The following CUBN variants were observed in gnomAD, a reference collection of about 807,000 sequenced individuals.
CUBN encodes the protein 460 kDa receptor.
In CUBN, 282 loss-of-function variants were observed where a neutral mutation model predicts 405.3. The observed-to-expected ratio is 0.70, with a 90% CI of 0.63 to 0.77. CUBN has a LOEUF of 0.77. Ranked by LOEUF, CUBN falls within the 30% of genes least tolerant of loss-of-function variation. The pLI, the probability that CUBN is intolerant of heterozygous loss-of-function variation, is 0.00. For synonymous variants in CUBN, 1,684 were observed against 1,617.0 expected (o/e 1.04, Z -0.99); for missense variants, 4,514 against 4,475.2 (o/e 1.01, Z -0.25).
chr10:17,071,519 C>T lies in CUBN; in HGVS notation c.2532G>A (p.Trp844Ter). Residue 844 changes from tryptophan to a stop codon, truncating the protein, a stop_gained, in exon 19 of 67, where the codon TGG (tryptophan) becomes TGA (stop). Coordinates refer to ENST00000377833, the MANE Select transcript of CUBN (RefSeq NM_001081.4). LOFTEE classifies it high-confidence loss of function. ...CTTGGCTTTGGGGCTGGTGGATGGT[C>T]CACCTACAGGTTCTTTCTCCAGGAT... is the stretch of plus-strand genomic sequence containing the variant. ...NVYPGERTCR[W>*]TIHQPQSQVI... 3 of 1,613,884 alleles carry T rather than the reference C, an allele frequency of 1.9e-6. No individual in the cohort carries two copies. Among genetic ancestry groups the T allele is most frequent in the Non-Finnish European group, 2.5e-6 (3 of 1,179,920 alleles).
chr10:16,887,237 G>A (rs1840847638), intron 56 of CUBN, among the ~76,000 whole-genome samples: 1 of 152,190 alleles, frequency 6.6e-6, no homozygotes, highest in African/African-American at 2.4e-5. Flanking sequence ...AACTTTAAAT[G>A]CAAGTGAATA....
intron 29 of CUBN, among the ~76,000 whole-genome samples, chr10:16,985,642 C>T (rs1012054627): frequency 6.6e-6 from 1 of 152,226 alleles, no homozygotes; most frequent in South Asian, 2.1e-4. Flanking sequence ...ACCACTAGAC[C>T]GTACTGTGGG....
intron 27 of CUBN, among the ~76,000 whole-genome samples, chr10:17,020,452 C>T (rs1047974525): frequency 6.6e-6 from 1 of 152,092 alleles, no homozygotes; most frequent in Non-Finnish European, 1.5e-5. Context: ...ATAATAATCA[C>T]ATCATAGAAA....
chr10:16,997,821 G>A (rs560126511), intron 28 of CUBN, among the ~76,000 whole-genome samples: 69 of 152,250 alleles, frequency 4.5e-4, no homozygotes, highest in African/African-American at 1.5e-3. Flanking sequence ...CATTTCACAG[G>A]TATGTGGCCA....
chr10:16,916,824 T>C (rs1841898269), intron 45 of CUBN, among the ~76,000 whole-genome samples: 1 of 151,322 alleles, frequency 6.6e-6, no homozygotes, highest in African/African-American at 2.4e-5. Context: ...CTTTCTTTTT[T>C]TTTTTTTTGA....
chr10:16,924,844 A>G (rs1842135980), intron 43 of CUBN, among the ~76,000 whole-genome samples: 1 of 152,172 alleles, frequency 6.6e-6, no homozygotes, highest in Non-Finnish European at 1.5e-5. Flanking sequence ...CAGCATACAA[A>G]TTATTACAAA....
chr10:16,917,778 C>A (rs1179681589), intron 45 of CUBN, among the ~76,000 whole-genome samples: 4 of 152,098 alleles, frequency 2.6e-5, no homozygotes, highest in Non-Finnish European at 4.4e-5. Context: ...ACACTCCTTA[C>A]TTATTTCTAG....
intron 22 of CUBN, among the ~76,000 whole-genome samples, chr10:17,048,935 G>A (rs1835199203): frequency 6.6e-6 from 1 of 152,192 alleles, no homozygotes; most frequent in South Asian, 2.1e-4. Flanking sequence ...AAAGGAATGG[G>A]CATTCGCCAG....
intron 50 of CUBN, among the ~76,000 whole-genome samples, chr10:16,905,245 C>T (rs986640856): frequency 6.6e-6 from 1 of 152,154 alleles, no homozygotes; most frequent in African/African-American, 2.4e-5. Flanking sequence ...AACGTGTCAG[C>T]ATAATCATGG....
At chr10:17,122,993 C>CT in intron 5 of CUBN, 95 bp from the exon 6 acceptor site, 1 of 842,914 alleles carries the variant, frequency 1.2e-6, no homozygotes, top group Non-Finnish European at 2.1e-6. Context: ...TATACGTGGA[C>CT]AGTATATAAG....
At position 16,835,247 on chromosome 10, in the gene CUBN, CT is replaced by C. The variant is rs778111776; in HGVS notation, c.10181-53del. On this transcript the variant is annotated intron_variant, in intron 63 of 66. Coordinates refer to ENST00000377833, the MANE Select transcript of CUBN (RefSeq NM_001081.4). ...TGTACGCATTCCAATATTTAGTGCT[CT>C]TTCAACTTCACAGGAATCATTCAAA... The C allele has an allele frequency of 2.0e-5, 27 of 1,383,870 alleles. No individual in the cohort carries two copies. The Middle Eastern group carries it at 5.4e-4, about 27-fold the overall frequency. 85.7% of individuals were successfully genotyped at this position (1,383,870 alleles called of 1,614,324 possible).
chr10:17,058,547 T>C (rs1388689521), intron 22 of CUBN, among the ~76,000 whole-genome samples: 1 of 152,142 alleles, frequency 6.6e-6, no homozygotes, highest in African/African-American at 2.4e-5. Flanking sequence ...TATTAAACAA[T>C]AGGATATTTA....
In CUBN at chr10:16,869,731, T is replaced by C; in HGVS notation, c.9359A>G (p.Asn3120Ser). ...CATACTATTATTGCTGCTCTTCACA[T>C]TTGGTGGGCGCTTGGAACCGCAGAA... Reference protein sequence around the residue: ...GKFCGSKRPPNVKSSNNSMLL... With the variant: ...GKFCGSKRPPSVKSSNNSMLL... Residue 3120 changes from asparagine to serine, a missense_variant, in exon 59 of 67, where the codon AAT becomes AGT. By Grantham distance (46) the Asn-to-Ser change is conservative (BLOSUM62 1). Coordinates refer to ENST00000377833, the MANE Select transcript of CUBN (RefSeq NM_001081.4). The C allele has an allele frequency of 6.2e-7, 1 of 1,614,058 alleles. No homozygotes were observed. Among genetic ancestry groups the C allele is most frequent in the Non-Finnish European group, 8.5e-7 (1 of 1,179,958 alleles).
chr10:17,057,102 C>A (rs1156357380), intron 22 of CUBN, among the ~76,000 whole-genome samples: 1 of 152,096 alleles, frequency 6.6e-6, no homozygotes, highest in Non-Finnish European at 1.5e-5. Flanking sequence ...CATATTGGGA[C>A]TCCACCCAGG....
intron 33 of CUBN, among the ~76,000 whole-genome samples, chr10:16,951,812 T>C (rs1842928956): frequency 6.6e-6 from 1 of 152,204 alleles, no homozygotes; most frequent in African/African-American, 2.4e-5. Context: ...GTGCGCGCAT[T>C]GCATTCTGGC....
At chr10:17,003,616 T>C (rs184220498) in intron 28 of CUBN, among the ~76,000 whole-genome samples, 10 of 152,300 alleles carry the variant, frequency 6.6e-5, no homozygotes, top group African/African-American at 2.4e-4. Context: ...TAGGTAATCA[T>C]GAGTCTGTAT....
At chr10:17,008,483 G>A (rs7920913) in intron 28 of CUBN, among the ~76,000 whole-genome samples, 59,695 of 150,270 alleles carry the variant, frequency 0.4, 12,180 homozygotes, top group East Asian at 0.59. Context: ...GCCACATTAT[G>A]TGCTTAGCTC....
intron 28 of CUBN, among the ~76,000 whole-genome samples, chr10:16,996,943 G>A (rs764451587): frequency 6.6e-6 from 1 of 152,184 alleles, no homozygotes; most frequent in Non-Finnish European, 1.5e-5. Context: ...CTGTTAAAAC[G>A]AAGCCAAAAG....
At position 17,019,200 on chromosome 10, in the gene CUBN, A is replaced by G. The variant is rs7090516; in HGVS notation, c.4168+633T>C. Among the ~76,000 whole-genome samples the G allele has an allele frequency of 7.5e-3, 1,137 of 152,312 alleles. 20 individuals carry two copies. Among genetic ancestry groups the G allele is most frequent in the African/African-American group, 0.026 (1,073 of 41,568 alleles). ...CCCACCTGAGATTTGAAGACATTTC[A>G]GATCTCTTGTTAAAGAAGACCTTTC... On this transcript the variant is annotated intron_variant, in intron 28 of 66. Coordinates refer to ENST00000377833, the MANE Select transcript of CUBN (RefSeq NM_001081.4).
Sources: allele counts gnomAD v4.1 joint callset (sites outside exome capture counted in the v4.1 genomes callset), GRCh38; gene constraint gnomAD v4.1.1; transcripts MANE v1.5; gene names NCBI Gene and HGNC (gene_info 2026-07-23, HGNC 2026-07-21).